MMRN2: variants seen among roughly 807,000 people sequenced by gnomAD.
MMRN2 encodes the protein multimerin-2.
In MMRN2, 53 loss-of-function variants were observed where a neutral mutation model predicts 68.8. The observed-to-expected ratio is 0.77, with a 90% CI of 0.62 to 0.97. The LOEUF (loss-of-function observed/expected upper bound fraction) is 0.97, where lower values mean the gene tolerates loss of function less well. MMRN2 is among the 50% of genes least tolerant of loss of function. MMRN2 has a pLI of 0.00. For missense variants in MMRN2, 1,266 were observed against 1,259.5 expected, an observed-to-expected ratio of 1.01 and a Z score of -0.08; for synonymous variants, 564 against 551.6, an observed-to-expected ratio of 1.02 and a Z score of -0.32.
intron 6 of MMRN2, among the ~76,000 whole-genome samples, chr10:86,941,778 C>T (rs1422954582): frequency 7.2e-5 from 9 of 124,464 alleles, no homozygotes; most frequent in South Asian, 2.4e-4. Flanking sequence ...CAAGCCTGGA[C>T]GACAAAGTGA....
intron 6 of MMRN2, among the ~76,000 whole-genome samples, chr10:86,939,677 C>CAACCCAGGCCA (rs754971521): frequency 1.3e-5 from 2 of 151,442 alleles, no homozygotes; most frequent in Non-Finnish European, 3.0e-5. Context: ...AGACCCCCAC[C>CAACCCAGGCCA]CCAACCCAGC....
chr10:86,952,681 C>T (rs967292905), intron 1 of MMRN2, among the ~76,000 whole-genome samples: 16 of 152,140 alleles, frequency 1.1e-4, no homozygotes, highest in Admixed American at 8.5e-4. Context: ...TCTGAGGAAA[C>T]GGGGCAAGGA....
At chr10:86,949,398 A>C (rs1360233764) in intron 1 of MMRN2, 1 of 152,038 alleles carries the variant, frequency 6.6e-6, no homozygotes, top group Non-Finnish European at 1.5e-5. Context: ...TTGCCTGCAC[A>C]TCAACACCAT....
rs777694013 is a variant in MMRN2 at position 86,942,673 on chromosome 10, A to T, written c.2111T>A (p.Leu704Gln). 3 of 1,587,764 alleles carry T rather than the reference A, an allele frequency of 1.9e-6. No individual in the cohort carries two copies. The Admixed American group carries it at 5.1e-5, about 27-fold the overall frequency. ...CCCGACATTCTTGACGTCGTTGCTC[A>T]GGCTCTGGAGCTCCCGCGCCAGCCC... is the stretch of plus-strand genomic sequence containing the variant. ...LAGLARELQS[L>Q]SNDVKNVGRC... Residue 704 changes from leucine (L) to glutamine (Q), a missense_variant, in exon 6 of 7, where the codon CTG becomes CAG. By Grantham distance (113) the Leu-to-Gln change is moderately radical. Transcript: ENST00000372027.
At chr10:86,944,192 C>G (rs1844031875) in intron 5 of MMRN2, 64 bp from the exon 6 acceptor site, 3 of 1,591,668 alleles carry the variant, frequency 1.9e-6, no homozygotes, top group Non-Finnish European at 2.6e-6. Flanking sequence ...AGGCTGGGAC[C>G]AGCGGGGTCC....
rs1844019952 is a variant in MMRN2 at position 86,943,734 on chromosome 10, A to G, written c.1050T>C (p.Asn350=). ...LHKAQEAPGT[N]GSLVLATPGA... ...CAGGCGTTGCCAACACCAGACTGCC[A>G]TTGGTCCCTGGGGCCTCCTGAGCCT... Residue 350 remains asparagine (N), a synonymous_variant, in exon 6 of 7, where the codon AAT becomes AAC. Coordinates refer to ENST00000372027, the MANE Select transcript of MMRN2 (RefSeq NM_024756.3). This position sits in a 1 kb window ranked among gnomAD's most constrained non-coding sequence, Gnocchi z 4.2. The G allele has an allele frequency of 1.2e-6, 2 of 1,608,642 alleles. No homozygotes were observed. The highest frequency in any genetic ancestry group is 1.7e-6 in the Non-Finnish European group (2 of 1,179,988).
Position 86,945,358 on chromosome 10 carries a change from A to G in MMRN2, c.400+12T>C. 2.5e-6 allele frequency: 4 copies of G among 1,599,658 alleles called. No individual in the cohort carries two copies. The highest frequency in any genetic ancestry group is 3.4e-6 in the Non-Finnish European group (4 of 1,172,938). Reference sequence around the variant, plus strand: ...GAGGTCAAGGGGGGAAGGGGGCCGCAGGGAGCCCTACCGTGGTGCTCGCAG... The same window carrying G: ...GAGGTCAAGGGGGGAAGGGGGCCGCGGGGAGCCCTACCGTGGTGCTCGCAG... On this transcript the variant is annotated intron_variant, in intron 3 of 6. Transcript: ENST00000372027.
chr10:86,956,436 C>T (rs1056237962), intron 1 of MMRN2, among the ~76,000 whole-genome samples: 4 of 152,128 alleles, frequency 2.6e-5, no homozygotes, highest in African/African-American at 7.2e-5. Flanking sequence ...GTAAGTTGGC[C>T]CCCCCCTCAC....
rs180966517 is a variant in MMRN2, at chr10:86,957,306, G to A, written c.164+72C>T. ...AGATGGGACCCCAGTGAGGTCTAGA[G>A]AGGCTCTGCTCTAGCTGAGCTGGGA... On this transcript the variant is annotated intron_variant, in intron 1 of 6. Coordinates refer to ENST00000372027, the MANE Select transcript of MMRN2 (RefSeq NM_024756.3). 14,304 of 1,507,794 alleles carry A rather than the reference G, an allele frequency of 9.5e-3. 134 individuals are homozygous for A. The highest frequency in any genetic ancestry group is 0.038 in the South Asian group (3,341 of 88,466). 93.4% of individuals were successfully genotyped at this position (1,507,794 alleles called of 1,614,324 possible). A position where few individuals can be genotyped will look rare whatever the true frequency, so the allele number is the denominator to read the frequency against.
intron 1 of MMRN2, among the ~76,000 whole-genome samples, chr10:86,951,700 A>G (rs1304275384): frequency 1.7e-5 from 2 of 121,048 alleles, no homozygotes; most frequent in African/African-American, 2.7e-5. Context: ...TAAAAATGAA[A>G]CTTAAAAAAA....
intron 6 of MMRN2, among the ~76,000 whole-genome samples, chr10:86,937,764 T>C (rs990886217): frequency 3.3e-5 from 5 of 152,168 alleles, no homozygotes; most frequent in Admixed American, 1.3e-4. Context: ...GCTAGGAATC[T>C]TGAGATACTC....
At chr10:86,952,720 C>T (rs911664707) in intron 1 of MMRN2, among the ~76,000 whole-genome samples, 4 of 152,140 alleles carry the variant, frequency 2.6e-5, no homozygotes, top group Non-Finnish European at 5.9e-5. Flanking sequence ...TAAGGGTCTA[C>T]GTTCAGTGGT....
chr10:86,948,929 C>A (rs951045956), intron 1 of MMRN2: 2 of 152,212 alleles, frequency 1.3e-5, no homozygotes, highest in African/African-American at 4.8e-5. Context: ...GGACTCCAGC[C>A]TGAGCAAAAG....
In MMRN2 at chr10:86,942,627, G is replaced by C; in HGVS notation, c.2157C>G (p.Ala719=). 4 of 1,602,346 alleles carry C rather than the reference G, an allele frequency of 2.5e-6. No individual in the cohort carries two copies. Among genetic ancestry groups the C allele is most frequent in the Non-Finnish European group, 3.4e-6 (4 of 1,179,268 alleles). Residue 719 remains alanine, a synonymous_variant, in exon 6 of 7, where the codon GCC becomes GCG. Coordinates refer to ENST00000372027, the MANE Select transcript of MMRN2 (RefSeq NM_024756.3). ...CGTTGAGGGAGGCGGCCCCGGCCCCGGCCTCGGCCTCGCAGCACCGCCCGA... is the reference window on the plus strand; with the variant it reads ...CGTTGAGGGAGGCGGCCCCGGCCCCCGCCTCGGCCTCGCAGCACCGCCCGA... ...KNVGRCCEAE[A]GAGAASLNAS...
In MMRN2 at chr10:86,945,364, C is replaced by T. The variant is rs751498999; in HGVS notation, c.400+6G>A. On this transcript the variant is annotated splice_donor_region_variant and intron_variant, in intron 3 of 6. Transcript: ENST00000372027. ...AAGGGGGGAAGGGGGCCGCAGGGAG[C>T]CCTACCGTGGTGCTCGCAGTTGGGG... 1 of 1,597,678 alleles carries T rather than the reference C, an allele frequency of 6.3e-7. No homozygotes were observed. Among genetic ancestry groups the T allele is most frequent in the East Asian group, 2.3e-5 (1 of 44,420 alleles).
At position 86,945,483 on chromosome 10, in the gene MMRN2, G is replaced by C. The variant is rs1844052786; in HGVS notation, c.294-7C>G. 7 of 1,556,426 alleles carry C rather than the reference G, an allele frequency of 4.5e-6. No individual in the cohort carries two copies. Among genetic ancestry groups the C allele is most frequent in the Non-Finnish European group, 6.1e-6 (7 of 1,149,656 alleles). Reference sequence around the variant, plus strand: ...CTTGTGGGCCATGCGGTACCTGGAAGAGGAGAAGGGCTGGCTCAGTGATTC... The same window carrying C: ...CTTGTGGGCCATGCGGTACCTGGAACAGGAGAAGGGCTGGCTCAGTGATTC... On this transcript the variant is annotated splice_polypyrimidine_tract_variant and splice_region_variant and intron_variant, in intron 2 of 6. Transcript: ENST00000372027.
At position 86,945,670 on chromosome 10, in the gene MMRN2, TTGGG is replaced by T; in HGVS notation, c.180_183del (p.Tyr60Ter). The T allele has an allele frequency of 1.2e-6, 2 of 1,614,038 alleles. No individual in the cohort carries two copies. The highest frequency in any genetic ancestry group is 1.7e-6 in the Non-Finnish European group (2 of 1,180,018). ...GCTAGTAAGGTGACCAGCTTGGACATTGGGTAGGGGCACCAGTTACTGGAAAACA... is the reference window on the plus strand; with the variant it reads ...GCTAGTAAGGTGACCAGCTTGGACATTAGGGGCACCAGTTACTGGAAAACA... On this transcript the variant is annotated frameshift_variant, in exon 2 of 7. Transcript: ENST00000372027. LOFTEE classifies it high-confidence loss of function.
In MMRN2 at chr10:86,936,690, G is replaced by A; in HGVS notation, c.*53C>T. Reference sequence around the variant, plus strand: ...CAGCCCATCCTTGGCCAGAGCCCCAGGCCGAGGAGAGCTGGGCGAGTCCAT... The same window carrying A: ...CAGCCCATCCTTGGCCAGAGCCCCAAGCCGAGGAGAGCTGGGCGAGTCCAT... On this transcript the variant is annotated 3_prime_UTR_variant, in exon 7 of 7. Transcript: ENST00000372027. 2 of 1,588,754 alleles carry A rather than the reference G, an allele frequency of 1.3e-6. No homozygotes were observed. The highest frequency in any genetic ancestry group is 1.7e-6 in the Non-Finnish European group (2 of 1,164,592).
rs148994068 is a variant in MMRN2, at chr10:86,943,394, C to A, written c.1390G>T (p.Val464Leu). 7.4e-6 allele frequency: 12 copies of A among 1,613,990 alleles called. No homozygotes were observed. The African/African-American group carries it at 1.6e-4, about 22-fold the overall frequency. ...SLIMEENKEEVERQLLELNLT... is the reference protein window; with the variant it reads ...SLIMEENKEELERQLLELNLT... ...TTGAGCTCCAGGAGCTGCCGCTCCA[C>A]CTCCTCCTTGTTCTCCTCCATGATC... Residue 464 changes from valine to leucine, a missense_variant, in exon 6 of 7, where the codon GTG (valine) becomes TTG (leucine). Physicochemically the swap from Val to Leu is conservative, Grantham distance 32. Coordinates refer to ENST00000372027, the MANE Select transcript of MMRN2 (RefSeq NM_024756.3). This position sits in a 1 kb window ranked among gnomAD's most constrained non-coding sequence, Gnocchi z 4.2.
Sources: gnomAD v4.1 joint callset for allele counts (sites outside exome capture counted in the v4.1 genomes callset) on GRCh38, gnomAD v4.1.1 for gene constraint, Gnocchi (gnomAD v3.1) non-coding constraint, MANE v1.5 for transcripts, NCBI Gene and HGNC (gene_info 2026-07-23, HGNC 2026-07-21) for gene names.